The following EEA1 variants were observed in gnomAD, a reference collection of about 807,000 sequenced individuals.
EEA1 encodes early endosome antigen 1, also known as early endosome antigen 1, 162kD.
Under a neutral mutation model 209.2 loss-of-function variants are expected in EEA1, and 111 were observed. That is an observed-to-expected ratio of 0.53 (90% CI 0.45 to 0.62). The LOEUF is 0.62. Ranked by LOEUF, EEA1 falls within the 20% of genes least tolerant of loss-of-function variation. The pLI, the probability that EEA1 is intolerant of heterozygous loss-of-function variation, is 0.00. For synonymous variants in EEA1, 536 were observed against 540.6 expected (o/e 0.99, Z 0.12); for missense variants, 1,343 against 1,530.8 (o/e 0.88, Z 2.05).
rs916472694 is a variant in EEA1, at chr12:92,770,975, A to G, written c.*5036T>C. On this transcript the variant is annotated 3_prime_UTR_variant, in exon 29 of 29. Coordinates refer to ENST00000322349, the MANE Select transcript of EEA1 (RefSeq NM_003566.4). ...TGAAGAATGATGGTGTTTGCCATAA[A>G]AATACTTTCTGGTTTTGATTGGTGT... 2 of 144,462 alleles carry G rather than the reference A, an allele frequency of 1.4e-5. No homozygotes were observed. The highest frequency in any genetic ancestry group is 1.4e-4 in the Admixed American group (2 of 13,826). 8.9% of individuals were successfully genotyped at this position (144,462 alleles called of 1,614,324 possible).
chr12:92,922,003 T>C (rs894894264), intron 1 of EEA1, among the ~76,000 whole-genome samples: 2 of 152,082 alleles, frequency 1.3e-5, no homozygotes, highest in Non-Finnish European at 2.9e-5. Flanking sequence ...TTCCCTTACT[T>C]CCTAGTCATT....
At chr12:92,831,644 A>G (rs1017194451) in intron 11 of EEA1, among the ~76,000 whole-genome samples, 1 of 147,418 alleles carries the variant, frequency 6.8e-6, no homozygotes, top group Non-Finnish European at 1.5e-5. Flanking sequence ...ATATATAAAT[A>G]TATAATATAT....
Position 92,770,962 on chromosome 12 carries a change from G to C in EEA1, c.*5049C>G, listed in dbSNP as rs1409851721. On this transcript the variant is annotated 3_prime_UTR_variant, in exon 29 of 29. Coordinates refer to ENST00000322349, the MANE Select transcript of EEA1 (RefSeq NM_003566.4). Reference sequence around the variant, plus strand: ...TAACTTTATTTTTTGAAGAATGATGGTGTTTGCCATAAAAATACTTTCTGG... The same window carrying C: ...TAACTTTATTTTTTGAAGAATGATGCTGTTTGCCATAAAAATACTTTCTGG... 1.3e-5 allele frequency: 2 copies of C among 151,206 alleles called. No individual in the cohort carries two copies. Among genetic ancestry groups the C allele is most frequent in the Non-Finnish European group, 2.9e-5 (2 of 67,824 alleles). The allele number at this position is 151,206 out of a possible 1,614,324, so 9.4% of individuals were successfully genotyped here.
chr12:92,787,072 T>C (rs1874166674), intron 22 of EEA1, among the ~76,000 whole-genome samples: 2 of 152,170 alleles, frequency 1.3e-5, no homozygotes, highest in Admixed American at 6.6e-5. Context: ...TATAACAGCC[T>C]ATGGATAAAA....
intron 2 of EEA1, among the ~76,000 whole-genome samples, chr12:92,869,893 GT>G (rs1388357340): frequency 6.7e-6 from 1 of 148,814 alleles, no homozygotes; most frequent in Non-Finnish European, 1.5e-5. Flanking sequence ...AGGATAACAT[GT>G]GATAAAATGC....
At chr12:92,905,850 A>G (rs1412629936) in intron 1 of EEA1, among the ~76,000 whole-genome samples, 2 of 152,110 alleles carry the variant, frequency 1.3e-5, no homozygotes, top group African/African-American at 2.4e-5. Context: ...ACTTTTTTGA[A>G]ATAAATGATT....
At chr12:92,901,099 A>G (rs1003334271) in intron 1 of EEA1, among the ~76,000 whole-genome samples, 3 of 152,248 alleles carry the variant, frequency 2.0e-5, no homozygotes, top group African/African-American at 7.2e-5. Context: ...AGGAAGTTAT[A>G]CTTCCAAAGA....
rs561947836 is a variant in EEA1 at position 92,777,728 on chromosome 12, TAG to T, written c.3894-67_3894-66del. The T allele has an allele frequency of 3.2e-5, 48 of 1,480,116 alleles. No individual in the cohort carries two copies. The East Asian group carries it at 1.0e-3, about 31-fold the overall frequency. The allele number at this position is 1,480,116 out of a possible 1,614,324, so 91.7% of individuals were successfully genotyped here. On this transcript the variant is annotated intron_variant, in intron 26 of 28. Coordinates refer to ENST00000322349, the MANE Select transcript of EEA1 (RefSeq NM_003566.4). ...ATCATTTAAAGACCCTTCTAGGGTA[TAG>T]ATAATGGACTACTTTAGTAATTTAA...
chr12:92,883,946 G>A, intron 2 of EEA1: 1 of 1,495,874 alleles, frequency 6.7e-7, no homozygotes, highest in Non-Finnish European at 9.2e-7. Context: ...AGGGGCTTTG[G>A]GTTCATCACA....
chr12:92,921,866 C>CAAAAAAAAAAAAA (rs756583756), intron 1 of EEA1, among the ~76,000 whole-genome samples: 26 of 83,410 alleles, frequency 3.1e-4, no homozygotes, highest in South Asian at 8.9e-4. Flanking sequence ...GACTCTGTCT[C>CAAAAAAAAAAAAA]AAAAAAAAAA....
Position 92,798,916 on chromosome 12 carries a change from C to T in EEA1, c.2943G>A (p.Glu981=). ...CCTTCTGTAAAACAGCAATTTTAAG[C>T]TCTCCTTGGAGTGCTTCAATTTGTT... ...KKKQIEALQG[E]LKIAVLQKTE... Residue 981 remains glutamate, a synonymous_variant, in exon 21 of 29, where the codon GAG becomes GAA. Transcript: ENST00000322349. The T allele has an allele frequency of 6.3e-7, 1 of 1,593,272 alleles. No homozygotes were observed. The highest frequency in any genetic ancestry group is 2.2e-5 in the East Asian group (1 of 44,498).
chr12:92,802,693 G>C lies in EEA1; in HGVS notation c.2381C>G (p.Ala794Gly), dbSNP rs776802901. Residue 794 changes from alanine to glycine, a missense_variant, in exon 19 of 29, where the codon GCC (alanine) becomes GGC (glycine). Around this residue, in one of 3 missense-constraint regions of EEA1, gnomAD observed 1,307 missense variants for 1,465.5 expected, o/e 0.89. Transcript: ENST00000322349. ...AAGCTTTTGCTTGATACTTTCAAGG[G>C]CTTCAGATTTTTTCTGTAGATCCAA... is the stretch of plus-strand genomic sequence containing the variant. Reference protein sequence around the residue: ...TRLDLQKKSEALESIKQKLTK... With the variant: ...TRLDLQKKSEGLESIKQKLTK... The C allele has an allele frequency of 2.5e-6, 4 of 1,598,150 alleles. No individual in the cohort carries two copies. Among genetic ancestry groups the C allele is most frequent in the Admixed American group, 1.8e-5 (1 of 55,788 alleles).
intron 1 of EEA1, among the ~76,000 whole-genome samples, chr12:92,905,224 A>G (rs991689706): frequency 1.4e-4 from 22 of 152,176 alleles, no homozygotes; most frequent in African/African-American, 4.6e-4. Context: ...GACCAAATAT[A>G]TATTTCTTAT....
At chr12:92,877,405 A>C (rs1294190695) in intron 2 of EEA1, among the ~76,000 whole-genome samples, 1 of 152,110 alleles carries the variant, frequency 6.6e-6, no homozygotes, top group African/African-American at 2.4e-5. Context: ...AGTTACAATA[A>C]TATGTGAGGG....
chr12:92,793,081 GC>G (rs1874486784), intron 21 of EEA1, among the ~76,000 whole-genome samples: 1 of 151,980 alleles, frequency 6.6e-6, no homozygotes, highest in Non-Finnish European at 1.5e-5. Context: ...AAATTCAACA[GC>G]CTTCATGCTA....
chr12:92,921,541 T>C (rs9804723), intron 1 of EEA1, among the ~76,000 whole-genome samples: 13 of 119,712 alleles, frequency 1.1e-4, no homozygotes, highest in Admixed American at 6.9e-4. Flanking sequence ...TAGGTGGGAA[T>C]TGAACAATGA....
chr12:92,904,320 A>G (rs1045554330), intron 1 of EEA1, among the ~76,000 whole-genome samples: 1 of 152,184 alleles, frequency 6.6e-6, no homozygotes, highest in Non-Finnish European at 1.5e-5. Context: ...AGAGAATTCT[A>G]ATTATCAAAC....
At chr12:92,867,974 G>A (rs1325205378) in intron 2 of EEA1, among the ~76,000 whole-genome samples, 3 of 152,144 alleles carry the variant, frequency 2.0e-5, no homozygotes, top group African/African-American at 4.8e-5. Context: ...ATAAACAAAG[G>A]TGCAGGAAAC....
At chr12:92,884,474 A>G in intron 2 of EEA1, 2 of 1,481,170 alleles carry the variant, frequency 1.4e-6, no homozygotes, top group Non-Finnish European at 1.9e-6. Context: ...GGATGGCTAT[A>G]ATGGATTTGG....
Sources: gnomAD v4.1 joint callset for allele counts (sites outside exome capture counted in the v4.1 genomes callset) on GRCh38, gnomAD v4.1.1 for gene constraint, gnomAD v4.1.1 regional missense constraint, MANE v1.5 for transcripts, NCBI Gene and HGNC (gene_info 2026-07-23, HGNC 2026-07-21) for gene names.